OLFM2: variants seen among roughly 807,000 people sequenced by gnomAD.
OLFM2 encodes the protein noelin-2.
OLFM2 carries 20 observed loss-of-function variants against 43.9 expected under a neutral mutation model. That is an observed-to-expected ratio of 0.46 (90% confidence interval 0.32 to 0.66). The LOEUF (loss-of-function observed/expected upper bound fraction) is 0.66, where lower values mean the gene tolerates loss of function less well. Ranked by LOEUF, OLFM2 falls within the 30% of genes least tolerant of loss-of-function variation. The pLI is 0.04. For synonymous variants in OLFM2, 268 were observed against 278.6 expected (o/e 0.96, Z 0.38); for missense variants, 416 against 643.6 (o/e 0.65, Z 3.83).
chr19:9,899,696 T>G (rs2046714157), intron 1 of OLFM2, among the ~76,000 whole-genome samples: 2 of 152,024 alleles, frequency 1.3e-5, no homozygotes, highest in South Asian at 4.2e-4. Context: ...GGACTACAGG[T>G]GCACGCCACC....
chr19:9,905,252 T>C (rs1203240351), intron 1 of OLFM2, among the ~76,000 whole-genome samples: 1 of 152,090 alleles, frequency 6.6e-6, no homozygotes, highest in East Asian at 1.9e-4. Context: ...GGTCAGGAGA[T>C]TGAGACCATC....
At chr19:9,932,413 C>G (rs932621085) in intron 1 of OLFM2, among the ~76,000 whole-genome samples, 53 of 150,534 alleles carry the variant, frequency 3.5e-4, no homozygotes, top group African/African-American at 1.3e-3. Flanking sequence ...CGAGATTGCG[C>G]CACTGCACTC....
At chr19:9,920,976 T>A (rs1176016130) in intron 1 of OLFM2, among the ~76,000 whole-genome samples, 1 of 152,130 alleles carries the variant, frequency 6.6e-6, no homozygotes, top group African/African-American at 2.4e-5. Flanking sequence ...TGGAAAAATA[T>A]CAATAATTGC....
chr19:9,860,151 GA>G (rs60888104), intron 2 of OLFM2, among the ~76,000 whole-genome samples: 50,183 of 137,320 alleles, frequency 0.37, 8,710 homozygotes, highest in South Asian at 0.43. Flanking sequence ...GTCTCAAGGA[GA>G]AAAAAAAAAA....
chr19:9,867,451 G>A (rs1184515937), intron 1 of OLFM2, among the ~76,000 whole-genome samples: 1 of 152,172 alleles, frequency 6.6e-6, no homozygotes, highest in Non-Finnish European at 1.5e-5. Flanking sequence ...CAGGGTCCTG[G>A]GGACAGGAGA....
chr19:9,928,021 A>AC (rs1293871103), intron 1 of OLFM2, among the ~76,000 whole-genome samples: 2 of 151,948 alleles, frequency 1.3e-5, no homozygotes, highest in African/African-American at 2.4e-5. Flanking sequence ...ACATAGTGAG[A>AC]CCCCCATCTC....
intron 1 of OLFM2, among the ~76,000 whole-genome samples, chr19:9,908,370 G>A (rs549849552): frequency 3.3e-5 from 5 of 150,682 alleles, no homozygotes; most frequent in East Asian, 3.9e-4. Flanking sequence ...GCAATGGCGC[G>A]ATCTCGGCTC....
chr19:9,926,467 G>A (rs905502311), intron 1 of OLFM2, among the ~76,000 whole-genome samples: 1 of 151,458 alleles, frequency 6.6e-6, no homozygotes, highest in Non-Finnish European at 1.5e-5. Flanking sequence ...TGGGAGAATC[G>A]CTTGAATCTG....
chr19:9,892,833 C>G (rs2046650516), intron 1 of OLFM2, among the ~76,000 whole-genome samples: 1 of 152,204 alleles, frequency 6.6e-6, no homozygotes. Context: ...CAAACCTGTT[C>G]TCCCACAACT....
chr19:9,929,321 G>A (rs531444930), intron 1 of OLFM2, among the ~76,000 whole-genome samples: 17 of 152,200 alleles, frequency 1.1e-4, no homozygotes, highest in East Asian at 1.9e-4. Context: ...GGCCGGGCGC[G>A]GTGGCTCACA....
At chr19:9,893,557 G>A (rs1405710261) in intron 1 of OLFM2, among the ~76,000 whole-genome samples, 1 of 152,146 alleles carries the variant, frequency 6.6e-6, no homozygotes, top group Non-Finnish European at 1.5e-5. Flanking sequence ...GCTGAGCCTG[G>A]TCTATCTCAG....
chr19:9,930,901 G>A (rs1431486943), intron 1 of OLFM2, among the ~76,000 whole-genome samples: 6 of 151,912 alleles, frequency 3.9e-5, no homozygotes, highest in African/African-American at 1.2e-4. Flanking sequence ...GTTTGCACCC[G>A]CGGCGAGTAT....
In OLFM2 at chr19:9,857,877, A is replaced by C. The variant is rs985324742; in HGVS notation, c.214-16T>G. The C allele has an allele frequency of 8.7e-6, 14 of 1,613,814 alleles. No individual in the cohort carries two copies. The highest frequency in any genetic ancestry group is 1.2e-5 in the Non-Finnish European group (14 of 1,180,018). Reference sequence around the variant, plus strand: ...CGTTCTGGACCTAGGAATGGGGACAACTGAAGGGACCAGACCTCCTTCCCC... The same window carrying C: ...CGTTCTGGACCTAGGAATGGGGACACCTGAAGGGACCAGACCTCCTTCCCC... On this transcript the variant is annotated splice_polypyrimidine_tract_variant and intron_variant, in intron 2 of 5. Transcript: ENST00000264833. The surrounding 1 kb of genome is among the most constrained non-coding windows in gnomAD (Gnocchi z 5.7).
chr19:9,888,795 G>C (rs990095002), intron 1 of OLFM2, among the ~76,000 whole-genome samples: 1 of 152,078 alleles, frequency 6.6e-6, no homozygotes, highest in Non-Finnish European at 1.5e-5. Context: ...TGCCGGGCAC[G>C]GTGGCTCACG....
At chr19:9,892,670 G>A (rs1274056804) in intron 1 of OLFM2, among the ~76,000 whole-genome samples, 1 of 152,146 alleles carries the variant, frequency 6.6e-6, no homozygotes, top group Non-Finnish European at 1.5e-5. Flanking sequence ...TCCAGCCTGG[G>A]TGACAGAGCA....
At chr19:9,896,390 C>T (rs554521451) in intron 1 of OLFM2, among the ~76,000 whole-genome samples, 3 of 151,902 alleles carry the variant, frequency 2.0e-5, no homozygotes, top group African/African-American at 4.8e-5. Flanking sequence ...TGAGCCACAG[C>T]GCCCAGCCTA....
intron 1 of OLFM2, among the ~76,000 whole-genome samples, chr19:9,887,908 C>T (rs2046602356): frequency 6.6e-6 from 1 of 152,128 alleles, no homozygotes; most frequent in African/African-American, 2.4e-5. Flanking sequence ...TGGCATGTGT[C>T]TGTAGTCCCT....
chr19:9,931,708 CAAAAAT>C (rs1568390175), intron 1 of OLFM2, among the ~76,000 whole-genome samples: 3 of 117,766 alleles, frequency 2.5e-5, no homozygotes, highest in African/African-American at 1.2e-4. Context: ...GACTCCATCT[CAAAAAT>C]AAAAAAAAAA....
At chr19:9,894,421 A>AAAT (rs961048811) in intron 1 of OLFM2, among the ~76,000 whole-genome samples, 2 of 111,114 alleles carry the variant, frequency 1.8e-5, no homozygotes, top group African/African-American at 6.5e-5. Flanking sequence ...ATAAATAAAT[A>AAAT]AAATAAAGCC....
Sources: gnomAD v4.1 joint callset for allele counts (sites outside exome capture counted in the v4.1 genomes callset) on GRCh38, gnomAD v4.1.1 for gene constraint, Gnocchi (gnomAD v3.1) non-coding constraint, MANE v1.5 for transcripts, NCBI Gene and HGNC (gene_info 2026-07-23, HGNC 2026-07-21) for gene names.